Variants in BACH2 observed in about 807,000 individuals in gnomAD.
BACH2 encodes the protein BACH transcriptional regulator 2.
A neutral mutation model predicts 61.8 loss-of-function variants in BACH2; 5 were observed. That is an observed-to-expected ratio of 0.08 (90% CI 0.04 to 0.17). The LOEUF (loss-of-function observed/expected upper bound fraction) is 0.17, where lower values mean the gene tolerates loss of function less well. Among genes scored for constraint, BACH2 ranks in the 10% least tolerant of loss-of-function variants. The pLI, the probability that BACH2 is intolerant of heterozygous loss-of-function variation, is 1.00. For missense variants in BACH2, 824 were observed against 1,091.1 expected (o/e 0.76, Z 3.45); for synonymous variants, 446 against 440.1 (o/e 1.01, Z -0.17).
intron 4 of BACH2, among the ~76,000 whole-genome samples, chr6:90,094,726 G>A (rs985274999): frequency 3.3e-5 from 5 of 152,112 alleles, no homozygotes; most frequent in Admixed American, 1.3e-4. Flanking sequence ...GCATCCCAAG[G>A]GGATCATGTT....
At chr6:90,261,823 C>G (rs1771169048) in intron 2 of BACH2, among the ~76,000 whole-genome samples, 1 of 152,082 alleles carries the variant, frequency 6.6e-6, no homozygotes, top group Admixed American at 6.5e-5. Context: ...CATGTAGTCA[C>G]CCATGTAGTC....
At chr6:90,134,594 T>C (rs540450105) in intron 4 of BACH2, among the ~76,000 whole-genome samples, 1 of 152,334 alleles carries the variant, frequency 6.6e-6, no homozygotes, top group African/African-American at 2.4e-5. Context: ...GTAATAATTA[T>C]GCAGCAGAAA....
At chr6:90,292,282 A>G (rs1458131459) in intron 1 of BACH2, among the ~76,000 whole-genome samples, 1 of 152,248 alleles carries the variant, frequency 6.6e-6, no homozygotes, top group Admixed American at 6.5e-5. Flanking sequence ...TGAGGAATCA[A>G]TGAAGTACAT....
chr6:90,192,121 A>C (rs1292458753), intron 4 of BACH2, among the ~76,000 whole-genome samples: 1 of 152,218 alleles, frequency 6.6e-6, no homozygotes, highest in Non-Finnish European at 1.5e-5. Flanking sequence ...GTGGTTTCTT[A>C]ATGACTAAAA....
At position 89,989,892 on chromosome 6, in the gene BACH2, G is replaced by A. The variant is rs565383789; in HGVS notation, c.243+18710C>T. On this transcript the variant is annotated intron_variant, in intron 6 of 8. Coordinates refer to ENST00000257749, the MANE Select transcript of BACH2 (RefSeq NM_021813.4). ...CTGCCAGAGCCTGCTCTTGAGGAAC[G>A]AAATATGCTTAGAATGTGTGTCCCT... Among the ~76,000 whole-genome samples, 28 of 152,320 alleles carry A rather than the reference G, an allele frequency of 1.8e-4. No homozygotes were observed. In the South Asian group the frequency reaches 4.4e-3, roughly 24 times the overall value.
In BACH2 at chr6:89,993,502, A is replaced by G. The variant is rs550800009; in HGVS notation, c.243+15100T>C. On this transcript the variant is annotated intron_variant, in intron 6 of 8. Transcript: ENST00000257749. ...GAAGCAAGGAAAACCCTGGCAATCC[A>G]TGGACCACCGAGTAGTTTGCGTGAA... is the stretch of plus-strand genomic sequence containing the variant. 3.3e-5 allele frequency among the ~76,000 whole-genome samples: 5 copies of G among 152,306 alleles called. No homozygotes were observed. The South Asian group carries it at 1.0e-3, about 32-fold the overall frequency.
At chr6:90,259,569 G>T (rs1771092923) in intron 2 of BACH2, among the ~76,000 whole-genome samples, 1 of 152,208 alleles carries the variant, frequency 6.6e-6, no homozygotes, top group Admixed American at 6.5e-5. Flanking sequence ...GGGTATCAGG[G>T]TGATCCTGGC....
At chr6:90,060,090 C>T (rs910694034) in intron 5 of BACH2, among the ~76,000 whole-genome samples, 3 of 150,090 alleles carry the variant, frequency 2.0e-5, no homozygotes, top group Non-Finnish European at 3.0e-5. Flanking sequence ...CGAAGCTGCA[C>T]GTCGTGCACA....
intron 4 of BACH2, chr6:90,117,005 A>G: frequency 2.7e-6 from 1 of 363,926 alleles, no homozygotes. Context: ...GGCACAGATG[A>G]ATAATATTTC....
chr6:90,188,834 AAAC>A (rs1183440239), intron 4 of BACH2, among the ~76,000 whole-genome samples: 6 of 151,964 alleles, frequency 3.9e-5, no homozygotes, highest in Non-Finnish European at 5.9e-5. Context: ...AAAAAATAAA[AAAC>A]AACATCAGTT....
At chr6:90,075,586 G>C (rs1190058939) in intron 5 of BACH2, among the ~76,000 whole-genome samples, 3 of 152,064 alleles carry the variant, frequency 2.0e-5, no homozygotes, top group African/African-American at 7.2e-5. Context: ...CCCCAACAGA[G>C]TATTATTTTG....
chr6:90,086,988 C>T (rs543190894), intron 5 of BACH2, among the ~76,000 whole-genome samples: 2 of 152,302 alleles, frequency 1.3e-5, no homozygotes, highest in African/African-American at 4.8e-5. Flanking sequence ...GGGCAGCCCC[C>T]AGAAGGCACC....
chr6:90,069,993 CCA>C (rs1781149871), intron 5 of BACH2, among the ~76,000 whole-genome samples: 1 of 152,074 alleles, frequency 6.6e-6, no homozygotes. Flanking sequence ...TTCCTCAGCT[CCA>C]GAGGGTGGAA....
intron 4 of BACH2, among the ~76,000 whole-genome samples, chr6:90,101,935 T>G (rs1782646093): frequency 6.6e-6 from 1 of 152,224 alleles, no homozygotes. Flanking sequence ...GAATTGTTTT[T>G]GTAATTTCAT....
At chr6:90,272,929 C>T (rs1019125960) in intron 1 of BACH2, among the ~76,000 whole-genome samples, 22 of 152,218 alleles carry the variant, frequency 1.4e-4, no homozygotes, top group African/African-American at 5.1e-4. Context: ...CTCATCACCC[C>T]TCTAACAAGC....
chr6:89,932,495 G>A lies in BACH2; in HGVS notation c.2439C>T (p.Pro813=). 3 of 1,614,062 alleles carry A rather than the reference G, an allele frequency of 1.9e-6. No individual in the cohort carries two copies. The highest frequency in any genetic ancestry group is 2.5e-6 in the Non-Finnish European group (3 of 1,180,000). ...AGTCCACGGTCACTGTTTGGCTCCT[G>A]GGTTCAAGAGGAGGTCCTCTCTCTG... ...TFSERGPPLE[P]RSQTVTVDFC... is the part of the protein sequence containing the mutation. The change falls in exon 9 of 9, where the codon CCC becomes CCT. Residue 813 remains proline (P), a synonymous_variant. Coordinates refer to ENST00000257749, the MANE Select transcript of BACH2 (RefSeq NM_021813.4).
At chr6:90,176,536 G>A (rs1199242955) in intron 4 of BACH2, among the ~76,000 whole-genome samples, 1 of 152,210 alleles carries the variant, frequency 6.6e-6, no homozygotes, top group Non-Finnish European at 1.5e-5. Context: ...GTGCCTGCTA[G>A]ATAGATCTGC....
At chr6:90,086,437 T>C (rs1422271048) in intron 5 of BACH2, among the ~76,000 whole-genome samples, 2 of 152,200 alleles carry the variant, frequency 1.3e-5, no homozygotes, top group Non-Finnish European at 2.9e-5. Context: ...ATTTTTTAAA[T>C]ATATGCACTT....
chr6:90,252,999 C>G (rs1449846122), intron 2 of BACH2, among the ~76,000 whole-genome samples: 1 of 152,230 alleles, frequency 6.6e-6, no homozygotes, highest in Non-Finnish European at 1.5e-5. Flanking sequence ...AATCCCAGCA[C>G]TTTGGGAGGC....
Sources: gnomAD v4.1 joint callset for allele counts (sites outside exome capture counted in the v4.1 genomes callset) on GRCh38, gnomAD v4.1.1 for gene constraint, MANE v1.5 for transcripts, NCBI Gene and HGNC (gene_info 2026-07-23, HGNC 2026-07-21) for gene names.